The following RP1 variants were observed in gnomAD, a reference collection of about 807,000 sequenced individuals.
The protein encoded by RP1 is RP1 axonemal microtubule associated.
In RP1, 16 loss-of-function variants were observed where a neutral mutation model predicts 14.8. The observed-to-expected ratio is 1.08, with a 90% CI of 0.73 to 1.65. RP1 has a LOEUF of 1.65. Among genes scored for constraint, RP1 ranks in the 40% most tolerant of loss-of-function variants. RP1 has a pLI of 0.00. For missense variants in RP1, 2,631 were observed against 2,535.0 expected (o/e 1.04, Z -0.81); for synonymous variants, 876 against 883.6 (o/e 0.99, Z 0.15).
intron 24 of RP1, among the ~76,000 whole-genome samples, chr8:54,798,751 T>G (rs979775491): frequency 1.3e-5 from 2 of 152,196 alleles, no homozygotes; most frequent in Non-Finnish European, 2.9e-5. Context: ...CTTCATCTTT[T>G]TAGTTGCCAC....
intron 3 of RP1, among the ~76,000 whole-genome samples, chr8:54,624,048 A>T (rs1298395675): frequency 6.6e-6 from 1 of 152,184 alleles, no homozygotes; most frequent in Non-Finnish European, 1.5e-5. Context: ...AAATTCTCTG[A>T]ACCTCCACAT....
chr8:54,695,255 A>T (rs1807830693), intron 12 of RP1, among the ~76,000 whole-genome samples: 4 of 148,760 alleles, frequency 2.7e-5, no homozygotes, highest in African/African-American at 9.9e-5. Flanking sequence ...GGGACCCTTA[A>T]TTTTTTTTTT....
chr8:54,678,585 C>A, intron 9 of RP1: 1 of 1,436,452 alleles, frequency 7.0e-7, no homozygotes, highest in Non-Finnish European at 9.4e-7. Context: ...ATGTTAGTTC[C>A]AAGTTTGTGC....
chr8:54,859,097 C>G (rs1250241718), intron 27 of RP1, among the ~76,000 whole-genome samples: 3 of 151,336 alleles, frequency 2.0e-5, no homozygotes, highest in African/African-American at 7.3e-5. Context: ...TGTTTCACTG[C>G]AGAGTGGTGT....
At chr8:54,853,806 AAGAG>A (rs994201001) in intron 26 of RP1, among the ~76,000 whole-genome samples, 7 of 148,180 alleles carry the variant, frequency 4.7e-5, no homozygotes, top group Admixed American at 6.6e-5. Context: ...GAGAGAAAGA[AAGAG>A]AAAGGAAGGA....
chr8:54,850,722 G>GA (rs1232974095), intron 25 of RP1, among the ~76,000 whole-genome samples: 20 of 152,008 alleles, frequency 1.3e-4, no homozygotes, highest in African/African-American at 4.8e-4. Flanking sequence ...TAAAGATCAA[G>GA]AAAAAAAGTC....
chr8:54,839,251 C>A (rs1049226802), intron 25 of RP1, among the ~76,000 whole-genome samples: 27 of 152,184 alleles, frequency 1.8e-4, no homozygotes. Context: ...AAAAGAATGA[C>A]ACATTTTCAT....
chr8:54,687,932 T>C (rs1034075752), intron 12 of RP1, among the ~76,000 whole-genome samples: 13 of 152,312 alleles, frequency 8.5e-5, no homozygotes, highest in African/African-American at 1.2e-4. Context: ...CCACCAACAG[T>C]GTAAAAGCGT....
chr8:54,758,008 G>C (rs1180771403), intron 21 of RP1, among the ~76,000 whole-genome samples: 2 of 152,204 alleles, frequency 1.3e-5, no homozygotes, highest in Non-Finnish European at 2.9e-5. Flanking sequence ...AATAGTTGTA[G>C]TGTGTCTTCA....
rs186006699 is a variant in RP1 at position 54,645,550 on chromosome 8, A to G, written c.788-3435A>G. The stretch of plus-strand genomic sequence containing the variant: ...TTGATTGGCTGCTTAATGTTAAAAA[A>G]CTTGCATTTCTGGAATAAACTTGAA... On this transcript the variant is annotated intron_variant, in intron 3 of 22. Transcript: ENST00000636932. Among the ~76,000 whole-genome samples, 480 of 152,244 alleles carry G rather than the reference A, an allele frequency of 3.2e-3. 5 individuals carry two copies. Among genetic ancestry groups the G allele is most frequent in the African/African-American group, 0.011 (457 of 41,560 alleles).
intron 1 of RP1, among the ~76,000 whole-genome samples, chr8:54,604,078 A>T (rs1056164132): frequency 2.6e-5 from 4 of 152,118 alleles, no homozygotes; most frequent in African/African-American, 4.8e-5. Context: ...CACTATGTTG[A>T]ATAGGAGTGG....
chr8:54,813,797 TG>T (rs1811071731), intron 24 of RP1, among the ~76,000 whole-genome samples: 1 of 152,228 alleles, frequency 6.6e-6, no homozygotes, highest in Non-Finnish European at 1.5e-5. Context: ...AAATTATGTT[TG>T]CTGTTTCTAT....
chr8:54,628,598 T>C lies in RP1; in HGVS notation c.4716T>C (p.Tyr1572=). Residue 1572 remains tyrosine (Y), a synonymous_variant, in exon 4 of 4, where the codon TAT becomes TAC. Coordinates refer to ENST00000220676, the MANE Select transcript of RP1 (RefSeq NM_006269.2). ...MMVKTMETGS[Y]SESSPDLKKC... ...TGAAAACTATGGAAACTGGAAGTTATTCAGAGTCCTCTCCTGATTTAAAAA... is the reference window on the plus strand; with the variant it reads ...TGAAAACTATGGAAACTGGAAGTTACTCAGAGTCCTCTCCTGATTTAAAAA... 6.2e-7 allele frequency: 1 copy of C among 1,614,040 alleles called. No individual in the cohort carries two copies. Among genetic ancestry groups the C allele is most frequent in the Non-Finnish European group, 8.5e-7 (1 of 1,179,946 alleles).
At chr8:54,701,341 A>G in intron 13 of RP1, 2 of 628,466 alleles carry the variant, frequency 3.2e-6, no homozygotes, top group South Asian at 9.1e-5. Flanking sequence ...AATAAAACCT[A>G]CTGAATTTCA....
At chr8:54,667,002 T>C (rs1807033348) in intron 7 of RP1, among the ~76,000 whole-genome samples, 2 of 152,004 alleles carry the variant, frequency 1.3e-5, no homozygotes, top group African/African-American at 4.8e-5. Context: ...GCACTGGAAA[T>C]AGGCACTGGA....
At chr8:54,788,051 G>A (rs1315352649) in intron 24 of RP1, among the ~76,000 whole-genome samples, 1 of 152,016 alleles carries the variant, frequency 6.6e-6, no homozygotes, top group Non-Finnish European at 1.5e-5. Context: ...TGCTCTTTAG[G>A]CTGACTCTTA....
chr8:54,649,217 A>G (rs981399261), intron 4 of RP1: 1 of 1,215,392 alleles, frequency 8.2e-7, no homozygotes, highest in African/African-American at 1.5e-5. Flanking sequence ...TGGAATGAAC[A>G]TAGTCTATCC....
At chr8:54,848,387 A>G (rs1811979270) in intron 25 of RP1, among the ~76,000 whole-genome samples, 2 of 152,064 alleles carry the variant, frequency 1.3e-5, no homozygotes, top group Non-Finnish European at 2.9e-5. Flanking sequence ...CGGTAGGGAG[A>G]GATAAACTTC....
intron 25 of RP1, among the ~76,000 whole-genome samples, chr8:54,844,948 C>T (rs1811879279): frequency 6.6e-6 from 1 of 152,168 alleles, no homozygotes; most frequent in South Asian, 2.1e-4. Flanking sequence ...AGCCCACTGT[C>T]TGGCATGAAG....
Sources: allele counts gnomAD v4.1 joint callset (sites outside exome capture counted in the v4.1 genomes callset), GRCh38; gene constraint gnomAD v4.1.1; transcripts MANE v1.5; gene names NCBI Gene and HGNC (gene_info 2026-07-23, HGNC 2026-07-21).